The following NRXN3 variants were observed in gnomAD, a reference collection of about 807,000 sequenced individuals.
NRXN3 encodes neurexin 3, also known as neurexin III.
A neutral mutation model predicts 137.6 loss-of-function variants in NRXN3; 32 were observed. The ratio of observed to expected loss-of-function variants is 0.23; its 90% CI spans 0.18 to 0.31. The LOEUF is 0.31. NRXN3 is among the 10% of genes least tolerant of loss of function. The pLI is 1.00. For missense variants in NRXN3, 1,574 were observed against 2,062.5 expected, an observed-to-expected ratio of 0.76 and a Z score of 4.59; for synonymous variants, 798 against 784.5, an observed-to-expected ratio of 1.02 and a Z score of -0.29.
intron 17 of NRXN3, among the ~76,000 whole-genome samples, chr14:79,687,387 A>G (rs1394281562): frequency 3.3e-5 from 5 of 152,114 alleles, no homozygotes; most frequent in African/African-American, 4.8e-5. Context: ...TTTCTCTGAA[A>G]CTTAACTTAG....
intron 15 of NRXN3, among the ~76,000 whole-genome samples, chr14:79,230,316 G>A (rs375216145): frequency 6.6e-6 from 1 of 152,120 alleles, no homozygotes; most frequent in Non-Finnish European, 1.5e-5. Flanking sequence ...TCATTGTTGG[G>A]TGCTGAGAGA....
Position 79,619,350 on chromosome 14 carries a change from A to T in NRXN3, c.3445-44428A>T, listed in dbSNP as rs185212571. Among the ~76,000 whole-genome samples, 74 of 152,188 alleles carry T rather than the reference A, an allele frequency of 4.9e-4. No individual in the cohort carries two copies. The South Asian group carries it at 0.013, about 26-fold the overall frequency. ...TTATGATTTTTAGGTCTCACATTTA[A>T]GTTTTCAATCTATCTTAAATAATAT... On this transcript the variant is annotated intron_variant, in intron 16 of 20. Transcript: ENST00000335750.
intron 4 of NRXN3, among the ~76,000 whole-genome samples, chr14:78,578,428 T>C (rs1349994958): frequency 1.3e-5 from 2 of 152,190 alleles, no homozygotes; most frequent in African/African-American, 4.8e-5. Context: ...TGGGGACTGG[T>C]TAGGAGACCA....
chr14:79,754,967 T>C (rs1488514425), intron 19 of NRXN3, among the ~76,000 whole-genome samples: 3 of 152,168 alleles, frequency 2.0e-5, no homozygotes, highest in Admixed American at 2.0e-4. Context: ...AATTGTAAGT[T>C]TCCTGAGGCC....
At chr14:78,808,011 A>C (rs2098887533) in intron 9 of NRXN3, among the ~76,000 whole-genome samples, 1 of 151,920 alleles carries the variant, frequency 6.6e-6, no homozygotes, top group Admixed American at 6.6e-5. Flanking sequence ...ATAAATGTGT[A>C]TGTGTGCGTG....
intron 10 of NRXN3, among the ~76,000 whole-genome samples, chr14:78,949,592 A>T (rs1157612960): frequency 2.3e-5 from 3 of 132,532 alleles, no homozygotes; most frequent in East Asian, 4.8e-4. Context: ...ATAGAAGTGA[A>T]TTTTTTTTTT....
At chr14:79,642,452 C>T (rs1288697986) in intron 16 of NRXN3, among the ~76,000 whole-genome samples, 2 of 135,770 alleles carry the variant, frequency 1.5e-5, no homozygotes, top group Admixed American at 7.8e-5. Flanking sequence ...CTCTTCACAG[C>T]ATTTGTATTC....
chr14:79,040,928 C>T (rs2099624034), intron 15 of NRXN3, among the ~76,000 whole-genome samples: 1 of 152,136 alleles, frequency 6.6e-6, no homozygotes, highest in Non-Finnish European at 1.5e-5. Context: ...ATCTGTGTGG[C>T]TGTGGGCATG....
At chr14:79,609,458 G>A (rs780739636) in intron 16 of NRXN3, among the ~76,000 whole-genome samples, 3 of 152,104 alleles carry the variant, frequency 2.0e-5, no homozygotes, top group South Asian at 4.1e-4. Flanking sequence ...TTGAATCCCC[G>A]GCAGAGTAAG....
intron 15 of NRXN3, among the ~76,000 whole-genome samples, chr14:79,448,176 C>T (rs573879751): frequency 1.4e-4 from 21 of 152,306 alleles, no homozygotes; most frequent in African/African-American, 4.8e-4. Flanking sequence ...CACCCTTTAA[C>T]TTCCTTTTAA....
At chr14:79,032,029 G>A (rs2099609084) in intron 15 of NRXN3, among the ~76,000 whole-genome samples, 1 of 152,072 alleles carries the variant, frequency 6.6e-6, no homozygotes, top group Admixed American at 6.6e-5. Flanking sequence ...ATTTGACAGA[G>A]GTGTAGGAAC....
At chr14:79,566,677 T>C (rs1432352296) in intron 16 of NRXN3, among the ~76,000 whole-genome samples, 1 of 152,132 alleles carries the variant, frequency 6.6e-6, no homozygotes, top group Non-Finnish European at 1.5e-5. Context: ...TCAAACCCAG[T>C]GCCCTTCATG....
intron 15 of NRXN3, among the ~76,000 whole-genome samples, chr14:79,431,801 G>C (rs1186272609): frequency 6.6e-6 from 1 of 152,016 alleles, no homozygotes; most frequent in Non-Finnish European, 1.5e-5. Context: ...GCAGTATTAA[G>C]TTCTATTAAT....
chr14:79,673,569 A>G (rs3356), intron 17 of NRXN3, among the ~76,000 whole-genome samples: 29,651 of 152,078 alleles, frequency 0.19, 3,378 homozygotes, highest in African/African-American at 0.32. Context: ...TAATAGAAGT[A>G]TTCCCCTATC....
intron 20 of NRXN3, among the ~76,000 whole-genome samples, chr14:79,844,670 A>G (rs1445910307): frequency 6.6e-6 from 1 of 152,178 alleles, no homozygotes; most frequent in Non-Finnish European, 1.5e-5. Flanking sequence ...ACCATGCTGT[A>G]AACAACTGTC....
At chr14:79,600,952 C>T (rs921589089) in intron 16 of NRXN3, among the ~76,000 whole-genome samples, 1 of 151,530 alleles carries the variant, frequency 6.6e-6, no homozygotes, top group African/African-American at 2.4e-5. Flanking sequence ...GGAAGGAAGT[C>T]CAATGAATGG....
At chr14:78,769,682 A>G (rs2098720455) in intron 8 of NRXN3, among the ~76,000 whole-genome samples, 1 of 152,250 alleles carries the variant, frequency 6.6e-6, no homozygotes, top group Non-Finnish European at 1.5e-5. Flanking sequence ...GAAAGCAGTG[A>G]CACACCTAAC....
intron 15 of NRXN3, among the ~76,000 whole-genome samples, chr14:79,093,378 G>C (rs1452177815): frequency 6.6e-6 from 1 of 152,196 alleles, no homozygotes; most frequent in South Asian, 2.1e-4. Context: ...AGGAGTTTAA[G>C]CTTTATTCTG....
At chr14:79,121,937 T>G (rs971437441) in intron 15 of NRXN3, among the ~76,000 whole-genome samples, 4 of 152,206 alleles carry the variant, frequency 2.6e-5, no homozygotes, top group South Asian at 2.1e-4. Flanking sequence ...TTTAGTATTT[T>G]TTTGTTTGTT....
Sources: gnomAD v4.1 joint callset for allele counts (sites outside exome capture counted in the v4.1 genomes callset) on GRCh38, gnomAD v4.1.1 for gene constraint, MANE v1.5 for transcripts, NCBI Gene and HGNC (gene_info 2026-07-23, HGNC 2026-07-21) for gene names.